CDKAL1: variants seen among roughly 807,000 people sequenced by gnomAD.
The protein encoded by CDKAL1 is threonylcarbamoyladenosine tRNA methylthiotransferase.
CDKAL1 carries 32 observed loss-of-function variants against 68.2 expected under a neutral mutation model. The observed-to-expected ratio is 0.47, with a 90% CI of 0.35 to 0.63. The LOEUF is 0.63. Among genes scored for constraint, CDKAL1 ranks in the 30% least tolerant of loss-of-function variants. The pLI is 0.00. For missense variants in CDKAL1, 606 were observed against 696.7 expected, an observed-to-expected ratio of 0.87 and a Z score of 1.47; for synonymous variants, 234 against 244.3, an observed-to-expected ratio of 0.96 and a Z score of 0.39.
intron 5 of CDKAL1, among the ~76,000 whole-genome samples, chr6:20,651,630 GCC>G (rs1768774728): frequency 6.6e-6 from 1 of 152,098 alleles, no homozygotes; most frequent in Non-Finnish European, 1.5e-5. Flanking sequence ...CTTGTCTTGT[GCC>G]CGTTTTCAAA....
At chr6:20,902,362 G>T (rs1762044035) in intron 9 of CDKAL1, among the ~76,000 whole-genome samples, 1 of 137,524 alleles carries the variant, frequency 7.3e-6, no homozygotes, top group Non-Finnish European at 1.6e-5. Context: ...CACACACAAT[G>T]TGTTTATTGG....
intron 4 of CDKAL1, among the ~76,000 whole-genome samples, chr6:20,613,992 T>C (rs1018625352): frequency 1.3e-5 from 2 of 152,190 alleles, no homozygotes; most frequent in Non-Finnish European, 2.9e-5. Flanking sequence ...TGAGTTTTTT[T>C]TGATCTTTGC....
intron 2 of CDKAL1, among the ~76,000 whole-genome samples, chr6:20,542,286 A>G (rs1165883697): frequency 2.0e-5 from 3 of 152,312 alleles, no homozygotes; most frequent in Admixed American, 6.5e-5. Flanking sequence ...TAACACTGCA[A>G]CTCAGATGAG....
chr6:20,949,999 A>G (rs1245723037), intron 9 of CDKAL1, among the ~76,000 whole-genome samples: 2 of 152,122 alleles, frequency 1.3e-5, no homozygotes, highest in Non-Finnish European at 2.9e-5. Flanking sequence ...CGTGTTGGCC[A>G]GGCTGGTCTT....
intron 6 of CDKAL1, among the ~76,000 whole-genome samples, chr6:20,744,311 C>T (rs1561738793): frequency 3.9e-5 from 6 of 152,148 alleles, no homozygotes; most frequent in Admixed American, 2.6e-4. Context: ...GAGTAGTAGA[C>T]TTCAGGCTTC....
chr6:21,164,770 C>G (rs1777080503), intron 13 of CDKAL1, among the ~76,000 whole-genome samples: 1 of 152,150 alleles, frequency 6.6e-6, no homozygotes, highest in African/African-American at 2.4e-5. Context: ...ATTCATCATC[C>G]TTGAAGCTTG....
At chr6:21,121,898 A>G (rs1462831885) in intron 13 of CDKAL1, among the ~76,000 whole-genome samples, 1 of 152,146 alleles carries the variant, frequency 6.6e-6, no homozygotes, top group Non-Finnish European at 1.5e-5. Flanking sequence ...TAGAGATCTT[A>G]ATTCTTCCTA....
intron 12 of CDKAL1, among the ~76,000 whole-genome samples, chr6:21,067,474 T>A (rs1476776969): frequency 6.6e-6 from 1 of 152,060 alleles, no homozygotes; most frequent in Non-Finnish European, 1.5e-5. Flanking sequence ...TAGCCGGGCG[T>A]GGTGGTGGGC....
chr6:20,558,349 T>C (rs1764141276), intron 4 of CDKAL1, among the ~76,000 whole-genome samples: 1 of 152,220 alleles, frequency 6.6e-6, no homozygotes, highest in African/African-American at 2.4e-5. Context: ...CCCTACCTTT[T>C]ATCTGCCCAG....
chr6:20,965,917 A>C (rs1246106195), intron 10 of CDKAL1, among the ~76,000 whole-genome samples: 1 of 152,228 alleles, frequency 6.6e-6, no homozygotes, highest in Non-Finnish European at 1.5e-5. Context: ...ACATAAGGCA[A>C]TCCACGTAGT....
intron 7 of CDKAL1, among the ~76,000 whole-genome samples, chr6:20,771,535 G>A (rs905694854): frequency 7.2e-5 from 11 of 152,312 alleles, no homozygotes; most frequent in South Asian, 4.1e-4. Flanking sequence ...AGTTGAATTA[G>A]CGCGAGGAGA....
At chr6:21,168,983 C>T (rs1263572042) in intron 13 of CDKAL1, among the ~76,000 whole-genome samples, 1 of 152,098 alleles carries the variant, frequency 6.6e-6, no homozygotes, top group Non-Finnish European at 1.5e-5. Flanking sequence ...ACCTCCTGGG[C>T]TGCAAGACAA....
intron 4 of CDKAL1, among the ~76,000 whole-genome samples, chr6:20,604,517 A>G (rs546786581): frequency 1.3e-5 from 2 of 152,332 alleles, no homozygotes; most frequent in Admixed American, 1.3e-4. Context: ...CAGCACCACC[A>G]TCTGTAGACT....
At chr6:20,702,589 G>GGCTGGCCTGCTGGCCT (rs201914127) in intron 5 of CDKAL1, among the ~76,000 whole-genome samples, 26 of 152,104 alleles carry the variant, frequency 1.7e-4, no homozygotes, top group African/African-American at 5.8e-4. Flanking sequence ...GTCGATGGCC[G>GGCTGGCCTGCTGGCCT]GCTGGCCTGC....
intron 6 of CDKAL1, among the ~76,000 whole-genome samples, chr6:20,754,584 A>T (rs1774088613): frequency 6.6e-6 from 1 of 152,176 alleles, no homozygotes; most frequent in Non-Finnish European, 1.5e-5. Context: ...TTTATTGGCC[A>T]TAAGTATATT....
intron 12 of CDKAL1, among the ~76,000 whole-genome samples, chr6:21,107,243 G>A (rs201021756): frequency 2.0e-5 from 3 of 151,920 alleles, no homozygotes; most frequent in East Asian, 1.9e-4. Flanking sequence ...CACCGTGCCC[G>A]GCCAAAAAAG....
chr6:20,693,546 G>T (rs1165374824), intron 5 of CDKAL1, among the ~76,000 whole-genome samples: 2 of 152,138 alleles, frequency 1.3e-5, no homozygotes. Flanking sequence ...TTTCCAGATA[G>T]ATATGTTTCT....
At chr6:20,588,015 G>C (rs1409623702) in intron 4 of CDKAL1, among the ~76,000 whole-genome samples, 1 of 151,158 alleles carries the variant, frequency 6.6e-6, no homozygotes, top group Non-Finnish European at 1.5e-5. Context: ...AGGATGGCTT[G>C]AAGCCTGGGA....
At chr6:20,791,306 A>T (rs12661145) in intron 8 of CDKAL1, among the ~76,000 whole-genome samples, 60,359 of 151,674 alleles carry the variant, frequency 0.4, 12,213 homozygotes, top group East Asian at 0.53. Context: ...ATATAGTATT[A>T]TTAACTTTAT....
Sources: gnomAD v4.1 joint callset for allele counts (sites outside exome capture counted in the v4.1 genomes callset) on GRCh38, gnomAD v4.1.1 for gene constraint, MANE v1.5 for transcripts, NCBI Gene and HGNC (gene_info 2026-07-23, HGNC 2026-07-21) for gene names.